BLM: variants seen among roughly 807,000 people sequenced by gnomAD.
BLM encodes BLM RecQ like helicase, also known as recQ-like DNA helicase BLM.
A neutral mutation model predicts 135.3 loss-of-function variants in BLM; 95 were observed. The observed-to-expected ratio is 0.70, with a 90% confidence interval of 0.59 to 0.83. The LOEUF (loss-of-function observed/expected upper bound fraction) is 0.83. Ranked by LOEUF, BLM falls within the 40% of genes least tolerant of loss-of-function variation. The pLI is 0.00. For missense variants in BLM, 1,518 were observed against 1,663.9 expected (o/e 0.91, Z 1.53); for synonymous variants, 520 against 589.2 (o/e 0.88, Z 1.70).
chr15:90,777,675 A>T (rs947881553), intron 12 of BLM, among the ~76,000 whole-genome samples: 6 of 152,362 alleles, frequency 3.9e-5, no homozygotes, highest in African/African-American at 4.8e-5. Flanking sequence ...AGAAAACTTT[A>T]TTAAAATGTA....
At chr15:90,770,926 G>C (rs945195409) in intron 12 of BLM, among the ~76,000 whole-genome samples, 1 of 152,174 alleles carries the variant, frequency 6.6e-6, no homozygotes, top group African/African-American at 2.4e-5. Flanking sequence ...TCTAAATCAA[G>C]GAATTCAAGC....
At chr15:90,744,408 C>G (rs1895446116) in intron 1 of BLM, among the ~76,000 whole-genome samples, 1 of 152,070 alleles carries the variant, frequency 6.6e-6, no homozygotes, top group Non-Finnish European at 1.5e-5. Flanking sequence ...GAGTCTAGCT[C>G]TGTCACCAGG....
At chr15:90,750,126 G>C (rs1015924151) in intron 3 of BLM, 59 bp downstream of exon 3, 1 of 1,551,134 alleles carries the variant, frequency 6.4e-7, no homozygotes, top group African/African-American at 1.4e-5. Context: ...TTCAAAGCTA[G>C]CCATTGGGAA....
chr15:90,722,636 T>C (rs1398408238), intron 1 of BLM, among the ~76,000 whole-genome samples: 1 of 152,120 alleles, frequency 6.6e-6, no homozygotes, highest in Non-Finnish European at 1.5e-5. Flanking sequence ...ATTTAAAGAA[T>C]AGTTACAAAG....
At position 90,763,411 on chromosome 15, in the gene BLM, A is replaced by G. The variant is rs28385021; in HGVS notation, c.2074+254A>G. Among the ~76,000 whole-genome samples, 775 of 152,268 alleles carry G rather than the reference A, an allele frequency of 5.1e-3. 4 individuals carry two copies. The highest frequency in any genetic ancestry group is 0.018 in the African/African-American group (747 of 41,554). ...AACTGATCTAGAATTTTTCTTTGGG[A>G]ATTTTTCTTTTTTCTAGTCTAAGCA... On this transcript the variant is annotated intron_variant, in intron 8 of 21. Coordinates refer to ENST00000355112, the MANE Select transcript of BLM (RefSeq NM_000057.4).
intron 1 of BLM, among the ~76,000 whole-genome samples, chr15:90,736,768 C>T (rs1007443100): frequency 6.6e-6 from 1 of 151,824 alleles, no homozygotes; most frequent in African/African-American, 2.4e-5. Context: ...GAATGGAAAG[C>T]GTACATACAG....
Position 90,803,559 on chromosome 15 carries a change from A to G in BLM, c.3397A>G (p.Lys1133Glu), listed in dbSNP as rs145027663. 34 of 1,613,800 alleles carry G rather than the reference A, an allele frequency of 2.1e-5. No homozygotes were observed. The African/African-American group carries it at 4.5e-4, about 22-fold the overall frequency. Reference protein sequence around the residue: ...SAKIQSGIFGKGSAYSRHNAE... With the variant: ...SAKIQSGIFGEGSAYSRHNAE... ...AAAAATCCAGTCAGGTATATTTGGAAAAGGATCTGCTTATTCACGACACAA... is the reference window on the plus strand; with the variant it reads ...AAAAATCCAGTCAGGTATATTTGGAGAAGGATCTGCTTATTCACGACACAA... Residue 1133 changes from lysine to glutamate, a missense_variant, in exon 18 of 22, where the codon AAA becomes GAA. This residue lies in a region of BLM where 626 missense variants were observed against 681.1 expected (regional missense o/e 0.92). Transcript: ENST00000355112.
In BLM at chr15:90,811,310, C is replaced by G; in HGVS notation, c.3980C>G (p.Ala1327Gly). 6.2e-7 allele frequency: 1 copy of G among 1,614,162 alleles called. No individual in the cohort carries two copies. The highest frequency in any genetic ancestry group is 8.5e-7 in the Non-Finnish European group (1 of 1,180,026). ...ATACCCGTATCTTCCCACTACTTTG[C>G]AAGTAAAACCAGAAATGAAAGGAAG... ...EEIPVSSHYFASKTRNERKRK... is the reference protein window; with the variant it reads ...EEIPVSSHYFGSKTRNERKRK... Residue 1327 changes from alanine (A) to glycine (G), a missense_variant, in exon 21 of 22, where the codon GCA becomes GGA. Physicochemically the swap from Ala to Gly is moderately conservative, Grantham distance 60. This residue lies in a region of BLM where 153 missense variants were observed against 173.4 expected (regional missense o/e 0.88). Coordinates refer to ENST00000355112, the MANE Select transcript of BLM (RefSeq NM_000057.4).
At chr15:90,783,030 A>T in intron 13 of BLM, 102 bp downstream of exon 13, 1 of 905,080 alleles carries the variant, frequency 1.1e-6, no homozygotes, top group South Asian at 1.4e-5. Context: ...TTTTTGCATT[A>T]TGACAGCACT....
chr15:90,803,462 A>G (rs1897210229), intron 17 of BLM, 59 bp from the exon 18 acceptor site: 1 of 1,515,228 alleles, frequency 6.6e-7, no homozygotes, highest in Non-Finnish European at 9.2e-7. Flanking sequence ...AGCCTCTTCT[A>G]TTTGAGGGTG....
intron 14 of BLM, among the ~76,000 whole-genome samples, chr15:90,789,996 T>TTTG (rs1022049156): frequency 3.1e-5 from 2 of 63,914 alleles, no homozygotes; most frequent in African/African-American, 1.7e-4. Context: ...TGTTTTTTTT[T>TTTG]TTTTTTTTTT....
intron 12 of BLM, 109 bp downstream of exon 12, chr15:90,769,695 C>T (rs1376048146): frequency 2.3e-6 from 3 of 1,330,882 alleles, no homozygotes; most frequent in East Asian, 5.0e-5. Flanking sequence ...CACCCCCACC[C>T]CACCCCCATG....
chr15:90,760,673 T>G lies in BLM; in HGVS notation c.1300T>G (p.Ser434Ala). 1 of 1,613,982 alleles carries G rather than the reference T, an allele frequency of 6.2e-7. No homozygotes were observed. Among genetic ancestry groups the G allele is most frequent in the Non-Finnish European group, 8.5e-7 (1 of 1,179,860 alleles). ...LGSLWRYRPD[S>A]LDGPMEGDSC... ...CTCATTGTGGAGATACAGGCCTGAT[T>G]CACTTGATGGCCCTATGGAGGGTGA... Residue 434 changes from serine to alanine, a missense_variant, in exon 7 of 22, where the codon TCA becomes GCA. Physicochemically the swap from Ser to Ala is moderately conservative, Grantham distance 99. Coordinates refer to ENST00000355112, the MANE Select transcript of BLM (RefSeq NM_000057.4).
chr15:90,719,441 T>C (rs1445032546), intron 1 of BLM, among the ~76,000 whole-genome samples: 3 of 152,044 alleles, frequency 2.0e-5, no homozygotes, highest in Non-Finnish European at 2.9e-5. Context: ...CTCTCTATAG[T>C]AAATACAAAA....
chr15:90,743,686 T>A lies in BLM; in HGVS notation c.-4-3703T>A, dbSNP rs1174591135. Among the ~76,000 whole-genome samples, 3 of 152,188 alleles carry A rather than the reference T, an allele frequency of 2.0e-5. No homozygotes were observed. In the East Asian group the frequency reaches 5.8e-4, roughly 29 times the overall value. ...TCCTGAGTAGCTGAGACTACAGGCATGTTGGTGAACAATTTTCTTTTTGTG... is the reference window on the plus strand; with the variant it reads ...TCCTGAGTAGCTGAGACTACAGGCAAGTTGGTGAACAATTTTCTTTTTGTG... On this transcript the variant is annotated intron_variant, in intron 1 of 21. Coordinates refer to ENST00000355112, the MANE Select transcript of BLM (RefSeq NM_000057.4).
intron 2 of BLM, among the ~76,000 whole-genome samples, chr15:90,748,791 T>C (rs1895580107): frequency 6.6e-6 from 1 of 150,954 alleles, no homozygotes; most frequent in Non-Finnish European, 1.5e-5. Flanking sequence ...ACAGTCTCGC[T>C]CTGTCACCCA....
chr15:90,722,912 C>T (rs1408057615), intron 1 of BLM, among the ~76,000 whole-genome samples: 1 of 152,144 alleles, frequency 6.6e-6, no homozygotes, highest in African/African-American at 2.4e-5. Flanking sequence ...GCGATCTCGG[C>T]TCACTGCAAC....
At chr15:90,764,182 G>A (rs543126733) in intron 8 of BLM, among the ~76,000 whole-genome samples, 141 of 150,048 alleles carry the variant, frequency 9.4e-4, no homozygotes, top group African/African-American at 3.2e-3. Context: ...TTTCAAGACG[G>A]CATTTTTAAG....
intron 20 of BLM, 126 bp downstream of exon 20, chr15:90,809,385 C>A: frequency 6.7e-7 from 1 of 1,484,868 alleles, no homozygotes; most frequent in Non-Finnish European, 9.3e-7. Flanking sequence ...TCCAAGTCAG[C>A]CCCCAGTGGT....
Sources: gnomAD v4.1 joint callset for allele counts (sites outside exome capture counted in the v4.1 genomes callset) on GRCh38, gnomAD v4.1.1 for gene constraint, gnomAD v4.1.1 regional missense constraint, MANE v1.5 for transcripts, NCBI Gene and HGNC (gene_info 2026-07-23, HGNC 2026-07-21) for gene names.